The following SH3RF1 variants were observed in gnomAD, a reference collection of about 807,000 sequenced individuals.
SH3RF1 encodes E3 ubiquitin-protein ligase SH3RF1.
SH3RF1 carries 32 observed loss-of-function variants against 74.0 expected under a neutral mutation model. That is an observed-to-expected ratio of 0.43 (90% confidence interval 0.33 to 0.58). The LOEUF (loss-of-function observed/expected upper bound fraction) is 0.58, where lower values mean the gene tolerates loss of function less well. SH3RF1 is among the 20% of genes least tolerant of loss of function. The pLI is 0.05. For missense variants in SH3RF1, 954 were observed against 1,130.9 expected, an observed-to-expected ratio of 0.84 and a Z score of 2.24; for synonymous variants, 396 against 439.6, an observed-to-expected ratio of 0.90 and a Z score of 1.24.
At position 169,116,602 on chromosome 4, in the gene SH3RF1, C is replaced by T. The variant is rs199806800; in HGVS notation, c.1806G>A (p.Thr602=). The part of the protein sequence containing the change: ...TVAAHNQERP[T]AAVTPIQVQN... ...GTACCTGGATGGGTGTCACTGCTGC[C>T]GTGGGGCGTTCCTGGTTGTGCGCTG... is the stretch of plus-strand genomic sequence containing the variant. Residue 602 remains threonine, a synonymous_variant, in exon 10 of 12, where the codon ACG becomes ACA. Transcript: ENST00000284637. The T allele has an allele frequency of 2.8e-5, 44 of 1,560,242 alleles. No homozygotes were observed. Among genetic ancestry groups the T allele is most frequent in the South Asian group, 2.2e-4 (18 of 81,840 alleles).
chr4:169,172,792 G>T (rs933931033), intron 2 of SH3RF1, among the ~76,000 whole-genome samples: 6 of 152,124 alleles, frequency 3.9e-5, no homozygotes, highest in Non-Finnish European at 5.9e-5. Flanking sequence ...AGCGCGGCTA[G>T]AACAAAGCAA....
At chr4:169,099,375 C>T (rs768251245) in intron 11 of SH3RF1, among the ~76,000 whole-genome samples, 25 of 152,286 alleles carry the variant, frequency 1.6e-4, no homozygotes, top group Non-Finnish European at 2.6e-4. Context: ...AGACATAAGC[C>T]GCTATGCCCA....
At chr4:169,219,290 C>T (rs185396034) in intron 2 of SH3RF1, among the ~76,000 whole-genome samples, 34 of 152,172 alleles carry the variant, frequency 2.2e-4, no homozygotes, top group Non-Finnish European at 4.0e-4. Context: ...TATGCCAAAT[C>T]GTTTCTGTTC....
At chr4:169,225,944 GGAA>G (rs1198878965) in intron 2 of SH3RF1, among the ~76,000 whole-genome samples, 3 of 152,068 alleles carry the variant, frequency 2.0e-5, no homozygotes. Flanking sequence ...GGCAGATAAG[GGAA>G]GATGATCAAG....
chr4:169,104,651 C>T (rs184757218), intron 11 of SH3RF1, among the ~76,000 whole-genome samples: 1 of 152,110 alleles, frequency 6.6e-6, no homozygotes, highest in African/African-American at 2.4e-5. Flanking sequence ...CCTGTAATCC[C>T]AGCACTTTGA....
At chr4:169,196,723 A>G (rs949448253) in intron 2 of SH3RF1, among the ~76,000 whole-genome samples, 6 of 152,144 alleles carry the variant, frequency 3.9e-5, no homozygotes, top group African/African-American at 1.4e-4. Context: ...TTGCTTTTCT[A>G]GTCTCCTTCA....
intron 2 of SH3RF1, among the ~76,000 whole-genome samples, chr4:169,263,304 T>C (rs938030525): frequency 1.3e-5 from 2 of 152,214 alleles, no homozygotes; most frequent in African/African-American, 4.8e-5. Flanking sequence ...ATTCTATATC[T>C]TATCCCACCC....
chr4:169,179,241 A>G (rs1034913844), intron 2 of SH3RF1, among the ~76,000 whole-genome samples: 4 of 152,192 alleles, frequency 2.6e-5, no homozygotes, highest in African/African-American at 7.2e-5. Flanking sequence ...TTTGAAGACA[A>G]AAGGAGAGGA....
At chr4:169,232,957 T>C (rs956471316) in intron 2 of SH3RF1, among the ~76,000 whole-genome samples, 2 of 152,018 alleles carry the variant, frequency 1.3e-5, no homozygotes, top group East Asian at 1.9e-4. Context: ...ATTATATTAA[T>C]GGTAAACTGG....
intron 2 of SH3RF1, among the ~76,000 whole-genome samples, chr4:169,169,353 T>C (rs373510705): frequency 6.6e-6 from 1 of 152,014 alleles, no homozygotes; most frequent in South Asian, 2.1e-4. Flanking sequence ...TCCCAGCACT[T>C]TGGGAGGCTG....
chr4:169,176,222 AT>A (rs1162158892), intron 2 of SH3RF1, among the ~76,000 whole-genome samples: 1 of 152,174 alleles, frequency 6.6e-6, no homozygotes, highest in African/African-American at 2.4e-5. Context: ...TCCCTAAGAC[AT>A]TGGTGAAAGG....
At chr4:169,132,588 A>C (rs1391449545) in intron 5 of SH3RF1, among the ~76,000 whole-genome samples, 1 of 152,100 alleles carries the variant, frequency 6.6e-6, no homozygotes, top group Non-Finnish European at 1.5e-5. Flanking sequence ...TGCCCTGAAT[A>C]GGGACAACCT....
Position 169,199,211 on chromosome 4 carries a change from T to C in SH3RF1, c.394-42532A>G, listed in dbSNP as rs991588269. Among the ~76,000 whole-genome samples the C allele has an allele frequency of 1.3e-5, 2 of 152,320 alleles. 1 individual carries two copies. Among genetic ancestry groups the C allele is most frequent in the Admixed American group, 1.3e-4 (2 of 15,302 alleles). On this transcript the variant is annotated intron_variant, in intron 2 of 11. Transcript: ENST00000284637. The stretch of plus-strand genomic sequence containing the variant: ...TTAATATCAGGTTTAGACTGCTGGG[T>C]ATGCATGGACAATTTCAAAGGTACC...
chr4:169,231,829 T>C (rs998799149), intron 2 of SH3RF1, among the ~76,000 whole-genome samples: 1 of 152,226 alleles, frequency 6.6e-6, no homozygotes, highest in Non-Finnish European at 1.5e-5. Flanking sequence ...CTACTACATG[T>C]CAGGTACTGT....
At position 169,197,169 on chromosome 4, in the gene SH3RF1, T is replaced by G. The variant is rs529186694; in HGVS notation, c.394-40490A>C. Among the ~76,000 whole-genome samples, 128 of 152,004 alleles carry G rather than the reference T, an allele frequency of 8.4e-4. 1 individual carries two copies. Among genetic ancestry groups the G allele is most frequent in the Middle Eastern group, 3.4e-3 (1 of 294 alleles). The stretch of plus-strand genomic sequence containing the variant: ...TACAGGTGCCTGCTACCATGTCTAA[T>G]TTTTGTATTTTTAGTAAAGATGGGG... On this transcript the variant is annotated intron_variant, in intron 2 of 11. Transcript: ENST00000284637.
intron 2 of SH3RF1, among the ~76,000 whole-genome samples, chr4:169,217,858 A>C (rs949023567): frequency 6.6e-6 from 1 of 152,178 alleles, no homozygotes; most frequent in African/African-American, 2.4e-5. Context: ...ATTTTACCAA[A>C]AAACAAAAAA....
chr4:169,222,871 C>A (rs1730590079), intron 2 of SH3RF1, among the ~76,000 whole-genome samples: 1 of 152,140 alleles, frequency 6.6e-6, no homozygotes, highest in Non-Finnish European at 1.5e-5. Context: ...AAACTCAGTT[C>A]TAAAATGGCA....
chr4:169,205,550 G>A (rs1730240444), intron 2 of SH3RF1, among the ~76,000 whole-genome samples: 2 of 152,272 alleles, frequency 1.3e-5, no homozygotes, highest in South Asian at 4.1e-4. Context: ...CCAGAGCACA[G>A]TGCAGCACTG....
intron 5 of SH3RF1, 24 bp downstream of exon 5, chr4:169,136,294 T>A (rs771819975): frequency 7.2e-7 from 1 of 1,388,738 alleles, no homozygotes; most frequent in African/African-American, 1.5e-5. Flanking sequence ...GCTCTTTTTA[T>A]ATAACACTTG....
Sources: allele counts gnomAD v4.1 joint callset (sites outside exome capture counted in the v4.1 genomes callset), GRCh38; gene constraint gnomAD v4.1.1; transcripts MANE v1.5; gene names NCBI Gene and HGNC (gene_info 2026-07-23, HGNC 2026-07-21).